The following PRC1 variants were observed in gnomAD, a reference collection of about 807,000 sequenced individuals.
PRC1 encodes the protein protein regulator of cytokinesis 1, also known as anaphase spindle elongation 1 homolog.
Under a neutral mutation model 91.2 loss-of-function variants are expected in PRC1, and 54 were observed. That is an observed-to-expected ratio of 0.59 (90% CI 0.48 to 0.74). PRC1 has a LOEUF of 0.74. Ranked by LOEUF, PRC1 falls within the 30% of genes least tolerant of loss-of-function variation. PRC1 has a pLI of 0.00. For synonymous variants in PRC1, 275 were observed against 263.6 expected, an observed-to-expected ratio of 1.04 and a Z score of -0.42; for missense variants, 727 against 746.2, an observed-to-expected ratio of 0.97 and a Z score of 0.30.
At position 90,984,709 on chromosome 15, in the gene PRC1, A is replaced by C. The variant is rs1340065741; in HGVS notation, c.128T>G (p.Val43Gly). Residue 43 changes from valine to glycine, a missense_variant, in exon 2 of 15, where the codon GTA (valine) becomes GGA (glycine). By Grantham distance (109) the Val-to-Gly change is moderately radical. Coordinates refer to ENST00000394249, the MANE Select transcript of PRC1 (RefSeq NM_003981.4). The surrounding 1 kb of genome is among the most constrained non-coding windows in gnomAD (Gnocchi z 5.1). ...EDQRLQRTEVVKKHIKELLDM... is the reference protein window; with the variant it reads ...EDQRLQRTEVGKKHIKELLDM... ...TCAACCCACCTTGATATGCTTCTTT[A>C]CCACCTCAGTTCTTTGTAACCGCTG... 1.2e-6 allele frequency: 2 copies of C among 1,614,130 alleles called. No individual in the cohort carries two copies. Among genetic ancestry groups the C allele is most frequent in the South Asian group, 2.2e-5 (2 of 91,084 alleles).
intron 11 of PRC1, among the ~76,000 whole-genome samples, chr15:90,973,593 C>T (rs28871875): frequency 5.3e-5 from 8 of 152,212 alleles, no homozygotes; most frequent in East Asian, 3.9e-4. Flanking sequence ...CGGAATATCT[C>T]GGTGTAAAAC....
At chr15:90,994,036 G>C (rs2040141806) in intron 1 of PRC1, among the ~76,000 whole-genome samples, 2 of 152,182 alleles carry the variant, frequency 1.3e-5, no homozygotes, top group African/African-American at 4.8e-5. Flanking sequence ...AGCGGCACCT[G>C]AGACGCTGCG....
At position 90,976,738 on chromosome 15, in the gene PRC1, G is replaced by C; in HGVS notation, c.1141C>G (p.Arg381Gly). The C allele has an allele frequency of 6.2e-7, 1 of 1,613,462 alleles. No individual in the cohort carries two copies. The highest frequency in any genetic ancestry group is 8.5e-7 in the Non-Finnish European group (1 of 1,179,588). The change falls in exon 9 of 15, where the codon CGA (arginine) becomes GGA (glycine). Residue 381 changes from arginine to glycine, a missense_variant. Transcript: ENST00000394249. ...TCTTCTTTTAGAAGATTTCCTCCTCGGTTTGTAAATCGATTTGGATCTGAA... is the reference window on the plus strand; with the variant it reads ...TCTTCTTTTAGAAGATTTCCTCCTCCGTTTGTAAATCGATTTGGATCTGAA... ...KASDPNRFTN[R>G]GGNLLKEEKQ...
At chr15:90,989,129 T>TA (rs200286570) in intron 1 of PRC1, among the ~76,000 whole-genome samples, 4 of 151,384 alleles carry the variant, frequency 2.6e-5, no homozygotes, top group Admixed American at 1.3e-4. Context: ...GATGGTATAA[T>TA]AAAAAAAAAT....
Position 90,974,749 on chromosome 15 carries a change from G to A in PRC1, c.1204-18C>T, listed in dbSNP as rs115996227. 2,488 of 1,613,944 alleles carry A rather than the reference G, an allele frequency of 1.5e-3. 19 individuals carry two copies. In the African/African-American group the frequency reaches 0.022, roughly 15 times the overall value. On this transcript the variant is annotated intron_variant, in intron 9 of 14. Coordinates refer to ENST00000394249, the MANE Select transcript of PRC1 (RefSeq NM_003981.4). The surrounding 1 kb of genome is among the most constrained non-coding windows in gnomAD (Gnocchi z 4.6). ...TCTTCCAGCTGAGACCAGAAACAAG[G>A]ACATGTTAATTACTTCAACTCTTTA...
chr15:90,969,166 A>C (rs746469320), intron 13 of PRC1, 46 bp from the exon 14 acceptor site: 1 of 1,570,686 alleles, frequency 6.4e-7, no homozygotes, highest in South Asian at 1.1e-5. Context: ...CCACCAAGAG[A>C]GCACCAGGAC....
At chr15:90,967,791 G>A (rs1304974256) in intron 14 of PRC1, 1 of 949,852 alleles carries the variant, frequency 1.1e-6, no homozygotes, top group African/African-American at 1.8e-5. Context: ...CAATGAAATT[G>A]CCCCACATTC....
At chr15:90,971,354 T>G (rs949788592) in intron 11 of PRC1, among the ~76,000 whole-genome samples, 2 of 152,156 alleles carry the variant, frequency 1.3e-5, no homozygotes, top group African/African-American at 2.4e-5. Context: ...GGTACAATCT[T>G]GGTTCACTGC....
intron 8 of PRC1, among the ~76,000 whole-genome samples, chr15:90,978,877 C>T (rs1489888324): frequency 6.6e-6 from 1 of 151,762 alleles, no homozygotes; most frequent in African/African-American, 2.4e-5. Flanking sequence ...AGCCTGGGGT[C>T]CTGCTCACTG....
At position 90,981,908 on chromosome 15, in the gene PRC1, T is replaced by G. The variant is rs754674872; in HGVS notation, c.341A>C (p.Lys114Thr). ...CTTCAGTTCCTGTTTTCTCTCCTTT[T>G]TCTGTTTTCGCATCAATTCCACTTG... ...RTQVELMRKQ[K>T]KERKQELKLL... Residue 114 changes from lysine to threonine, a missense_variant, in exon 4 of 15, where the codon AAA becomes ACA. Physicochemically the swap from Lys to Thr is moderately conservative, Grantham distance 78. Coordinates refer to ENST00000394249, the MANE Select transcript of PRC1 (RefSeq NM_003981.4). 3.7e-6 allele frequency: 6 copies of G among 1,614,114 alleles called. No homozygotes were observed.
At chr15:90,990,266 G>A (rs1471397930) in intron 1 of PRC1, among the ~76,000 whole-genome samples, 1 of 151,732 alleles carries the variant, frequency 6.6e-6, no homozygotes, top group Non-Finnish European at 1.5e-5. Context: ...AATCCGGGAG[G>A]TGGAGGTTGC....
chr15:90,975,373 C>T (rs914486483), intron 9 of PRC1, among the ~76,000 whole-genome samples: 3 of 152,150 alleles, frequency 2.0e-5, no homozygotes, highest in African/African-American at 7.2e-5. Context: ...TGAGACACCA[C>T]GCCCGGCCAG....
At chr15:90,972,100 G>GAA in intron 11 of PRC1, among the ~76,000 whole-genome samples, 1 of 150,580 alleles carries the variant, frequency 6.6e-6, no homozygotes, top group South Asian at 2.1e-4. Context: ...CAGCACTTTG[G>GAA]GAGGCTGAGG....
At position 90,974,361 on chromosome 15, in the gene PRC1, G is replaced by C; in HGVS notation, c.1351-115C>G. ...GTGTCTCTACAGCCAGAGCTAAAGA[G>C]CTGCCGCGGGCTCCCCGTTCCACAA... On this transcript the variant is annotated intron_variant, in intron 10 of 14. Coordinates refer to ENST00000394249, the MANE Select transcript of PRC1 (RefSeq NM_003981.4). The surrounding 1 kb of genome is among the most constrained non-coding windows in gnomAD (Gnocchi z 4.6). 9.5e-7 allele frequency: 1 copy of C among 1,055,936 alleles called. No individual in the cohort carries two copies. The highest frequency in any genetic ancestry group is 1.4e-6 in the Non-Finnish European group (1 of 730,878). The allele number at this position is 1,055,936 out of a possible 1,614,324, so 65.4% of individuals were successfully genotyped here. A position where few individuals can be genotyped will look rare whatever the true frequency, so the allele number is the denominator to read the frequency against.
intron 12 of PRC1, 59 bp from the exon 13 acceptor site, chr15:90,969,682 C>T (rs2037887351): frequency 8.7e-6 from 13 of 1,487,196 alleles, no homozygotes; most frequent in Non-Finnish European, 1.2e-5. Context: ...CACACGCACA[C>T]ACAATACCTG....
At position 90,982,149 on chromosome 15, in the gene PRC1, C is replaced by T. The variant is rs78854160; in HGVS notation, c.268-168G>A. 1,387 of 653,904 alleles carry T rather than the reference C, an allele frequency of 2.1e-3. 21 individuals are homozygous for T. In the African/African-American group the frequency reaches 0.023, roughly 11 times the overall value. 40.5% of individuals were successfully genotyped at this position (653,904 alleles called of 1,614,324 possible). A position where few individuals can be genotyped will look rare whatever the true frequency, so the allele number is the denominator to read the frequency against. Reference sequence around the variant, plus strand: ...AAAGAGGGTCTCCTAAGGAAGGTCCCAGTGAGGAAAAGTGAGTAAGTACCA... The same window carrying T: ...AAAGAGGGTCTCCTAAGGAAGGTCCTAGTGAGGAAAAGTGAGTAAGTACCA... On this transcript the variant is annotated intron_variant, in intron 3 of 14. Transcript: ENST00000394249.
chr15:90,988,003 G>A (rs1413671388), intron 1 of PRC1: 3 of 151,980 alleles, frequency 2.0e-5, no homozygotes, highest in East Asian at 1.9e-4. Flanking sequence ...ACTGACAAAC[G>A]TTTAAAAGAA....
chr15:90,982,038 G>T, intron 3 of PRC1, 57 bp from the exon 4 acceptor site: 1 of 1,504,634 alleles, frequency 6.6e-7, no homozygotes, highest in South Asian at 1.2e-5. Context: ...TTCAGAGGAA[G>T]AGAAGGACAA....
intron 1 of PRC1, among the ~76,000 whole-genome samples, chr15:90,993,070 C>CAA (rs67427806): frequency 0.015 from 454 of 30,942 alleles, 77 homozygotes; most frequent in East Asian, 0.044. Flanking sequence ...GACCCCGTCT[C>CAA]AAAAAAAAAA....
Sources: allele counts gnomAD v4.1 joint callset (sites outside exome capture counted in the v4.1 genomes callset), GRCh38; gene constraint gnomAD v4.1.1; non-coding constraint Gnocchi (gnomAD v3.1); transcripts MANE v1.5; gene names NCBI Gene and HGNC (gene_info 2026-07-23, HGNC 2026-07-21).